Variants in NR3C1 observed in about 807,000 individuals in gnomAD.
NR3C1 encodes the protein nuclear receptor subfamily 3 group C member 1.
In NR3C1, 14 loss-of-function variants were observed where a neutral mutation model predicts 74.0. That is an observed-to-expected ratio of 0.19 (90% CI 0.12 to 0.30). NR3C1 has a LOEUF of 0.30. NR3C1 is among the 10% of genes least tolerant of loss of function. The probability of loss-of-function intolerance (pLI) is 1.00; values close to 1 mark genes in which losing one functional copy is unlikely to be tolerated. For missense variants in NR3C1, 695 were observed against 909.8 expected (o/e 0.76, Z 3.04); for synonymous variants, 308 against 332.5 (o/e 0.93, Z 0.80).
chr5:143,317,899 T>C (rs1822499380), intron 2 of NR3C1, among the ~76,000 whole-genome samples: 1 of 152,142 alleles, frequency 6.6e-6, no homozygotes, highest in Non-Finnish European at 1.5e-5. Flanking sequence ...CCAGAATATT[T>C]TGTAGCCGCC....
At chr5:143,320,412 G>C (rs1373403896) in intron 2 of NR3C1, among the ~76,000 whole-genome samples, 1 of 152,142 alleles carries the variant, frequency 6.6e-6, no homozygotes, top group Non-Finnish European at 1.5e-5. Context: ...TCCTCTTGGG[G>C]AGAGGGTTAC....
exon 1 of NR3C1, chr5:143,435,032 G>C: frequency 1.0e-6 from 1 of 985,270 alleles, no homozygotes. Flanking sequence ...CAGAGCCACT[G>C]ATTCAGCAGA....
chr5:143,346,220 T>C (rs1226903995), intron 2 of NR3C1, among the ~76,000 whole-genome samples: 1 of 152,216 alleles, frequency 6.6e-6, no homozygotes, highest in East Asian at 1.9e-4. Flanking sequence ...TCTGCTGTGG[T>C]CAACCCAGGG....
intron 7 of NR3C1, among the ~76,000 whole-genome samples, chr5:143,284,381 T>C (rs950053923): frequency 6.6e-6 from 1 of 152,088 alleles, no homozygotes; most frequent in Non-Finnish European, 1.5e-5. Context: ...CCATAAAGCA[T>C]TACAAGACAT....
intron 1 of NR3C1, chr5:143,402,694 G>A (rs1840538769): frequency 1.0e-6 from 1 of 985,320 alleles, no homozygotes; most frequent in Non-Finnish European, 1.2e-6. Context: ...CCCCCCGCGT[G>A]TGCACCCTCA....
chr5:143,396,988 T>C (rs949212119), intron 2 of NR3C1, among the ~76,000 whole-genome samples: 1 of 151,882 alleles, frequency 6.6e-6, no homozygotes, highest in Non-Finnish European at 1.5e-5. Context: ...GAATGACTAG[T>C]TTGTTTTACT....
intron 2 of NR3C1, among the ~76,000 whole-genome samples, chr5:143,363,268 A>G (rs1349571412): frequency 6.6e-6 from 1 of 152,222 alleles, no homozygotes; most frequent in Non-Finnish European, 1.5e-5. Flanking sequence ...AAAAGTCACT[A>G]AACAAACATC....
intron 2 of NR3C1, among the ~76,000 whole-genome samples, chr5:143,395,445 T>C (rs754713051): frequency 1.2e-4 from 18 of 151,868 alleles, no homozygotes; most frequent in Admixed American, 3.3e-4. Flanking sequence ...GAATCATCAA[T>C]GTATATTTTC....
At chr5:143,295,225 G>C in intron 7 of NR3C1, 2 of 985,300 alleles carry the variant, frequency 2.0e-6, no homozygotes, top group Non-Finnish European at 2.4e-6. Context: ...CTTATCAACA[G>C]AGATCCCTAT....
intron 2 of NR3C1, among the ~76,000 whole-genome samples, chr5:143,396,167 T>C (rs903737130): frequency 1.3e-5 from 2 of 151,846 alleles, no homozygotes; most frequent in Non-Finnish European, 3.0e-5. Context: ...GCTAGTCACA[T>C]ATTTCTGCAT....
chr5:143,392,032 C>T (rs1480889460), intron 2 of NR3C1, among the ~76,000 whole-genome samples: 1 of 151,946 alleles, frequency 6.6e-6, no homozygotes, highest in Non-Finnish European at 1.5e-5. Flanking sequence ...GTGGTGCAAC[C>T]TCGGCTCACT....
At chr5:143,435,313 A>G (rs1752055209) in exon 1 of NR3C1, 1 of 985,430 alleles carries the variant, frequency 1.0e-6, no homozygotes, top group African/African-American at 1.7e-5. Context: ...TCTAAGGTCC[A>G]GTGATTTGGT....
intron 2 of NR3C1, among the ~76,000 whole-genome samples, chr5:143,394,628 C>G (rs1030298134): frequency 1.3e-5 from 2 of 151,884 alleles, no homozygotes; most frequent in Non-Finnish European, 2.9e-5. Flanking sequence ...CTAAAATAAT[C>G]TTCAAGTAAA....
At chr5:143,365,401 T>C (rs1316923662) in intron 2 of NR3C1, among the ~76,000 whole-genome samples, 1 of 152,020 alleles carries the variant, frequency 6.6e-6, no homozygotes, top group Non-Finnish European at 1.5e-5. Flanking sequence ...TATAGACAAA[T>C]AGACTTAAGA....
chr5:143,431,793 A>G (rs1364416849), intron 1 of NR3C1, among the ~76,000 whole-genome samples: 2 of 152,224 alleles, frequency 1.3e-5, no homozygotes, highest in African/African-American at 4.8e-5. Context: ...CCTTGGAGAA[A>G]GGTGCAGTGG....
rs1009527186 is a variant in NR3C1 at position 143,403,662 on chromosome 5, C to A, written c.-465G>T. 2.0e-6 allele frequency: 2 copies of A among 985,238 alleles called. No homozygotes were observed. The highest frequency in any genetic ancestry group is 3.5e-5 in the African/African-American group (2 of 57,244). The allele number at this position is 985,238 out of a possible 1,614,324, so 61.0% of individuals were successfully genotyped here. A position where few individuals can be genotyped will look rare whatever the true frequency, so the allele number is the denominator to read the frequency against. ...CCCGGCCTGGGCGAGCGAGCGGGAC[C>A]GAGCGGGGAGCGGGTGGAGGCGGCG... On this transcript the variant is annotated 5_prime_UTR_variant, in exon 1 of 9. Coordinates refer to ENST00000394464, the MANE Select transcript of NR3C1 (RefSeq NM_000176.3).
chr5:143,354,839 C>T (rs1830843697), intron 2 of NR3C1, among the ~76,000 whole-genome samples: 1 of 150,544 alleles, frequency 6.6e-6, no homozygotes, highest in African/African-American at 2.4e-5. Context: ...AGGAGGATTG[C>T]TTGAACCTGG....
At chr5:143,427,337 T>C (rs1223481411) in intron 1 of NR3C1, among the ~76,000 whole-genome samples, 1 of 152,082 alleles carries the variant, frequency 6.6e-6, no homozygotes, top group East Asian at 1.9e-4. Flanking sequence ...TGATTAGTCA[T>C]ATTGGGGACT....
In NR3C1 at chr5:143,280,612, A is replaced by G. The variant is rs898096392; in HGVS notation, c.*1277T>C. 2.0e-5 allele frequency: 3 copies of G among 152,612 alleles called. No individual in the cohort carries two copies. The highest frequency in any genetic ancestry group is 4.4e-5 in the Non-Finnish European group (3 of 68,034). 9.5% of individuals were successfully genotyped at this position (152,612 alleles called of 1,614,324 possible). On this transcript the variant is annotated 3_prime_UTR_variant, in exon 9 of 9. Transcript: ENST00000394464. ...TTAAACTCTATGGCACACATTAGGGATGTGTAGTTTTACAAACATGGATGT... is the reference window on the plus strand; with the variant it reads ...TTAAACTCTATGGCACACATTAGGGGTGTGTAGTTTTACAAACATGGATGT...
Sources: gnomAD v4.1 joint callset for allele counts (sites outside exome capture counted in the v4.1 genomes callset) on GRCh38, gnomAD v4.1.1 for gene constraint, MANE v1.5 for transcripts, NCBI Gene and HGNC (gene_info 2026-07-23, HGNC 2026-07-21) for gene names.